ABR: variants seen among roughly 807,000 people sequenced by gnomAD.
ABR encodes the protein active breakpoint cluster region-related protein.
A neutral mutation model predicts 107.2 loss-of-function variants in ABR; 35 were observed. The observed-to-expected ratio is 0.33, with a 90% CI of 0.25 to 0.43. ABR has a LOEUF of 0.43. ABR is among the 20% of genes least tolerant of loss of function. ABR has a pLI of 1.00. For missense variants in ABR, 815 were observed against 1,115.2 expected, an observed-to-expected ratio of 0.73 and a Z score of 3.83; for synonymous variants, 498 against 462.0, an observed-to-expected ratio of 1.08 and a Z score of -1.00.
intron 1 of ABR, among the ~76,000 whole-genome samples, chr17:1,203,252 G>T (rs933155923): frequency 2.6e-5 from 4 of 151,906 alleles, no homozygotes; most frequent in Non-Finnish European, 5.9e-5. Flanking sequence ...CTCCTTGGAA[G>T]GGGCTTCGGA....
intron 16 of ABR, among the ~76,000 whole-genome samples, chr17:1,023,559 C>T (rs924551455): frequency 4.6e-5 from 7 of 152,178 alleles, no homozygotes; most frequent in Non-Finnish European, 1.0e-4. Flanking sequence ...GCCAAAGCAA[C>T]ACGGAGGCCC....
intron 1 of ABR, among the ~76,000 whole-genome samples, chr17:1,211,374 T>A (rs2042898833): frequency 6.6e-6 from 1 of 152,200 alleles, no homozygotes. Flanking sequence ...GGGATTCCAT[T>A]TCAGTGGAGC....
chr17:1,038,999 G>A (rs923272264), intron 16 of ABR, among the ~76,000 whole-genome samples: 12 of 152,204 alleles, frequency 7.9e-5, no homozygotes, highest in Admixed American at 2.6e-4. Flanking sequence ...CCACGGACCC[G>A]AGAGGACACT....
intron 1 of ABR, among the ~76,000 whole-genome samples, chr17:1,178,891 GC>G (rs901029416): frequency 8.6e-5 from 13 of 151,724 alleles, no homozygotes; most frequent in African/African-American, 2.7e-4. Context: ...TTCGCCCCAA[GC>G]CCCCCCACAC....
intron 1 of ABR, among the ~76,000 whole-genome samples, chr17:1,159,312 GGGAAGTAAGAATGCA>G (rs2041173313): frequency 2.0e-5 from 1 of 50,100 alleles, no homozygotes; most frequent in Non-Finnish European, 4.7e-5. Flanking sequence ...TCACACACAA[GGGAAGTAAGAATGCA>G]GTACTCACGC....
Position 1,117,871 on chromosome 17 carries a change from C to T in ABR, c.246+7312G>A, listed in dbSNP as rs1278853182. On this transcript the variant is annotated intron_variant, in intron 2 of 22. Transcript: ENST00000302538. ...CCAGCGTTATTGCCTGAGCCTGAGT[C>T]CCTCCCAGCGTTAACCCTGAGCCTG... Among the ~76,000 whole-genome samples, 80 of 20,384 alleles carry T rather than the reference C, an allele frequency of 3.9e-3. 1 individual carries two copies. Among genetic ancestry groups the T allele is most frequent in the African/African-American group, 8.0e-3 (33 of 4,122 alleles). 13.4% of individuals were successfully genotyped at this position (20,384 alleles called of 152,430 possible). A position where few individuals can be genotyped will look rare whatever the true frequency, so the allele number is the denominator to read the frequency against.
rs117406503 is a variant in ABR at position 1,129,256 on chromosome 17, G to A, written c.62-3889C>T. 7.7e-3 allele frequency among the ~76,000 whole-genome samples: 1,171 copies of A among 152,278 alleles called. 45 individuals carry two copies. The East Asian group carries it at 0.11, about 15-fold the overall frequency. ...GAGGGGCTTAAAACCTAGATGACAG[G>A]GCCAGGCACAGGGGCTCACGCCTGT... On this transcript the variant is annotated intron_variant, in intron 1 of 22. Coordinates refer to ENST00000302538, the MANE Select transcript of ABR (RefSeq NM_021962.5).
intron 5 of ABR, among the ~76,000 whole-genome samples, chr17:1,082,502 A>G (rs1206693770): frequency 6.6e-6 from 1 of 150,998 alleles, no homozygotes; most frequent in Non-Finnish European, 1.5e-5. Flanking sequence ...CCTCAGGAGC[A>G]GAAGCACGCG....
intron 1 of ABR, among the ~76,000 whole-genome samples, chr17:1,163,283 C>A (rs963127702): frequency 1.2e-4 from 18 of 152,314 alleles, no homozygotes; most frequent in South Asian, 2.1e-4. Context: ...TCAATCGCAT[C>A]GTGATTTTTT....
rs1228659995 is a variant in ABR, at chr17:1,051,538, C to T, written c.1562-904G>A. Reference sequence around the variant, plus strand: ...GCTGAGGCCACAGCACCGGCACGGACCCCAGGCCCTCTGCAAACCCACACC... The same window carrying T: ...GCTGAGGCCACAGCACCGGCACGGATCCCAGGCCCTCTGCAAACCCACACC... On this transcript the variant is annotated intron_variant, in intron 14 of 22. Coordinates refer to ENST00000302538, the MANE Select transcript of ABR (RefSeq NM_021962.5). This position sits in a 1 kb window ranked among gnomAD's most constrained non-coding sequence, Gnocchi z 4.3. 6.6e-6 allele frequency among the ~76,000 whole-genome samples: 1 copy of T among 152,182 alleles called. No homozygotes were observed. The highest frequency in any genetic ancestry group is 6.5e-5 in the Admixed American group (1 of 15,286).
chr17:1,030,946 C>T (rs993856939), intron 16 of ABR, among the ~76,000 whole-genome samples: 1 of 152,234 alleles, frequency 6.6e-6, no homozygotes, highest in Non-Finnish European at 1.5e-5. Context: ...AAGCCAGCCC[C>T]GAGGCAGCCT....
At chr17:1,046,294 C>T (rs555820082) in intron 16 of ABR, among the ~76,000 whole-genome samples, 195 of 129,596 alleles carry the variant, frequency 1.5e-3, no homozygotes, top group African/African-American at 4.7e-3. Context: ...GTGGGCCCCA[C>T]ACCCAGCTAA....
chr17:1,221,021 T>A (rs2043111193), intron 1 of ABR, among the ~76,000 whole-genome samples: 1 of 152,166 alleles, frequency 6.6e-6, no homozygotes, highest in Non-Finnish European at 1.5e-5. Flanking sequence ...ACTGACTCAA[T>A]AAATTAATAG....
intron 1 of ABR, among the ~76,000 whole-genome samples, chr17:1,133,721 G>A (rs546327020): frequency 5.5e-4 from 84 of 152,238 alleles, no homozygotes; most frequent in African/African-American, 1.9e-3. Context: ...CCCGACACCC[G>A]TCTTCCCTTC....
chr17:1,201,091 A>G (rs974306326), intron 1 of ABR, among the ~76,000 whole-genome samples: 1 of 152,256 alleles, frequency 6.6e-6, no homozygotes, highest in African/African-American at 2.4e-5. Context: ...AAACCCTGAT[A>G]GGAATAAAAT....
rs76234912 is a variant in ABR, at chr17:1,215,470, G to A, written c.838+13323C>T. Among the ~76,000 whole-genome samples the A allele has an allele frequency of 6.0e-3, 920 of 152,316 alleles. 46 individuals carry two copies. The East Asian group carries it at 0.13, about 21-fold the overall frequency. ...TGGCCGGGCTGGTCTCCAGCTCCTA[G>A]CCGCGAGTGATCTGCCAGCCTCGGC... On this transcript the variant is annotated intron_variant, in intron 1 of 22. Coordinates refer to the ABR transcript ENST00000574139.
intron 21 of ABR, among the ~76,000 whole-genome samples, chr17:1,008,603 G>A (rs540118397): frequency 1.3e-5 from 2 of 152,322 alleles, no homozygotes; most frequent in Non-Finnish European, 2.9e-5. Context: ...CCAAACCAGA[G>A]GAAAAATGTT....
chr17:1,109,001 A>G (rs775742904), intron 2 of ABR: 7 of 1,598,666 alleles, frequency 4.4e-6, no homozygotes, highest in Non-Finnish European at 6.0e-6. Context: ...GCACTCCTCC[A>G]GGAGAAACAC....
At chr17:1,201,957 G>A (rs573042740) in intron 1 of ABR, among the ~76,000 whole-genome samples, 16 of 152,294 alleles carry the variant, frequency 1.1e-4, no homozygotes, top group African/African-American at 3.4e-4. Context: ...GATTACAGGC[G>A]TGAGCCACCG....
Sources: allele counts gnomAD v4.1 joint callset (sites outside exome capture counted in the v4.1 genomes callset), GRCh38; gene constraint gnomAD v4.1.1; non-coding constraint Gnocchi (gnomAD v3.1); transcripts MANE v1.5; gene names NCBI Gene and HGNC (gene_info 2026-07-23, HGNC 2026-07-21).